Variants in DNMT1 observed in about 807,000 individuals in gnomAD.
DNMT1 encodes DNA methyltransferase 1.
In DNMT1, 24 loss-of-function variants were observed where a neutral mutation model predicts 205.3. The ratio of observed to expected loss-of-function variants is 0.12; its 90% CI spans 0.08 to 0.16. The LOEUF is 0.16. Among genes scored for constraint, DNMT1 ranks in the 10% least tolerant of loss-of-function variants. The pLI is 1.00. For synonymous variants in DNMT1, 817 were observed against 839.8 expected, an observed-to-expected ratio of 0.97 and a Z score of 0.47; for missense variants, 1,293 against 2,177.7, an observed-to-expected ratio of 0.59 and a Z score of 8.09.
Position 10,133,459 on chromosome 19 carries a change from T to C in DNMT1, c.*208A>G. 1.6e-6 allele frequency: 1 copy of C among 613,184 alleles called. No homozygotes were observed. Among genetic ancestry groups the C allele is most frequent in the South Asian group, 2.1e-5 (1 of 48,136 alleles). The allele number at this position is 613,184 out of a possible 1,614,324, so 38.0% of individuals were successfully genotyped here. On this transcript the variant is annotated 3_prime_UTR_variant, in exon 41 of 41. Transcript: ENST00000359526. This position sits in a 1 kb window ranked among gnomAD's most constrained non-coding sequence, Gnocchi z 4.1. Reference sequence around the variant, plus strand: ...TGATATAATGCATAATAAAAAACTTTTAAAATCCAGAATGCACAAAGTACT... The same window carrying C: ...TGATATAATGCATAATAAAAAACTTCTAAAATCCAGAATGCACAAAGTACT...
intron 1 of DNMT1, among the ~76,000 whole-genome samples, chr19:10,185,569 G>C (rs1001655450): frequency 1.3e-5 from 2 of 152,116 alleles, no homozygotes; most frequent in African/African-American, 4.8e-5. Context: ...GCTCATGCCT[G>C]TAATCCCAGC....
chr19:10,140,350 C>T lies in DNMT1; in HGVS notation c.3524-22G>A. 1 of 1,612,962 alleles carries T rather than the reference C, an allele frequency of 6.2e-7. No homozygotes were observed. Among genetic ancestry groups the T allele is most frequent in the African/African-American group, 1.3e-5 (1 of 74,924 alleles). On this transcript the variant is annotated intron_variant, in intron 32 of 40. Transcript: ENST00000359526. This position sits in a 1 kb window ranked among gnomAD's most constrained non-coding sequence, Gnocchi z 8.4. ...ATGCCTGGCAGATCAAGCACGAAGCCATGCTTTCAACTCTCCAGAAGATTT... is the reference window on the plus strand; with the variant it reads ...ATGCCTGGCAGATCAAGCACGAAGCTATGCTTTCAACTCTCCAGAAGATTT...
chr19:10,178,452 T>G lies in DNMT1; in HGVS notation c.494-1085A>C, dbSNP rs73013061. On this transcript the variant is annotated intron_variant, in intron 5 of 40. Coordinates refer to ENST00000359526, the MANE Select transcript of DNMT1 (RefSeq NM_001130823.3). ...CATGCCTCCATCTCAAAAAATAAAA[T>G]AAAAATTAAAAGAAAATAAAATAAG... 4.6e-3 allele frequency among the ~76,000 whole-genome samples: 699 copies of G among 151,606 alleles called. 2 individuals carry two copies. The highest frequency in any genetic ancestry group is 0.014 in the Middle Eastern group (4 of 292).
Position 10,149,528 on chromosome 19 carries a change from C to T in DNMT1, c.2511G>A (p.Glu837=), listed in dbSNP as rs756023681. ...TGTGGATATATGAAAGCTGCATGTC[C>T]TCACATTCATCCACCAAGAACAGCT... The part of the protein sequence containing the change: ...PLELFLVDEC[E]DMQLSYIHSK... Residue 837 remains glutamate, a synonymous_variant, in exon 26 of 41, where the codon GAG becomes GAA. Coordinates refer to ENST00000359526, the MANE Select transcript of DNMT1 (RefSeq NM_001130823.3). The T allele has an allele frequency of 4.3e-6, 7 of 1,614,032 alleles. No homozygotes were observed. In the East Asian group the frequency reaches 8.9e-5, roughly 21 times the overall value.
At chr19:10,184,965 T>C (rs2039150684) in intron 1 of DNMT1, among the ~76,000 whole-genome samples, 1 of 152,204 alleles carries the variant, frequency 6.6e-6, no homozygotes, top group Admixed American at 6.5e-5. Flanking sequence ...GCTGGACCCA[T>C]GTCTTACAAC....
chr19:10,183,003 G>GTGTGTATATATACATATATA (rs1284277838), intron 1 of DNMT1, among the ~76,000 whole-genome samples: 13 of 146,916 alleles, frequency 8.8e-5, no homozygotes, highest in Admixed American at 2.0e-4. Flanking sequence ...ACACGTATAT[G>GTGTGTATATATACATATATA]TGTGTATATA....
intron 28 of DNMT1, among the ~76,000 whole-genome samples, chr19:10,145,482 TG>T (rs36048626): frequency 0.22 from 33,763 of 152,132 alleles, 4,780 homozygotes; most frequent in Non-Finnish European, 0.32. Context: ...AAACGTTGGC[TG>T]TAATTCCAAC....
At chr19:10,174,004 G>T in intron 7 of DNMT1, 99 bp from the exon 8 acceptor site, 1 of 1,219,492 alleles carries the variant, frequency 8.2e-7, no homozygotes, top group Non-Finnish European at 1.2e-6. Flanking sequence ...CATTTGACAT[G>T]GTTAGAGCAA....
intron 24 of DNMT1, among the ~76,000 whole-genome samples, chr19:10,150,204 C>T (rs1379879310): frequency 2.6e-5 from 4 of 152,224 alleles, no homozygotes; most frequent in Non-Finnish European, 5.9e-5. Context: ...GTCCCTCCCA[C>T]TTCTGCTCTG....
intron 1 of DNMT1, chr19:10,184,486 C>T (rs554375024): frequency 6.6e-6 from 1 of 152,096 alleles, no homozygotes; most frequent in Non-Finnish European, 1.5e-5. Flanking sequence ...TAGCTTGACT[C>T]TTTCAGGGAC....
chr19:10,175,120 CACACACACAT>C (rs879426032), intron 7 of DNMT1, among the ~76,000 whole-genome samples: 3,446 of 122,338 alleles, frequency 0.028, 107 homozygotes, highest in African/African-American at 0.081. Context: ...CACACACACA[CACACACACAT>C]ATATATAACA....
chr19:10,146,409 C>A lies in DNMT1; in HGVS notation c.2836G>T (p.Gly946Cys), dbSNP rs777416084. 6.2e-7 allele frequency: 1 copy of A among 1,614,054 alleles called. No individual in the cohort carries two copies. The highest frequency in any genetic ancestry group is 1.7e-5 in the Admixed American group (1 of 60,002). The change falls in exon 28 of 41, where the codon GGC becomes TGC. Residue 946 changes from glycine to cysteine, a missense_variant. By Grantham distance (159) the Gly-to-Cys change is radical. Transcript: ENST00000359526. This position sits in a 1 kb window ranked among gnomAD's most constrained non-coding sequence, Gnocchi z 4.4. Reference sequence around the variant, plus strand: ...CCATCACCAACTCGGTACAGGATGCCGTTCTTGGTGGCTGAGTAGTAGAGG... The same window carrying A: ...CCATCACCAACTCGGTACAGGATGCAGTTCTTGGTGGCTGAGTAGTAGAGG... The part of the protein sequence containing the change: ...RVLYYSATKN[G>C]ILYRVGDGVY...
In DNMT1 at chr19:10,162,743, G is replaced by T. The variant is rs1406374567; in HGVS notation, c.932C>A (p.Ala311Asp). The T allele has an allele frequency of 1.9e-6, 3 of 1,613,906 alleles. No homozygotes were observed. In the African/African-American group the frequency reaches 4.0e-5, roughly 22 times the overall value. ...TTCTTTTTCTTCGGGCCTCCGTTTGGCAGCTCTGCAGGGTGAACAGATACA... is the reference window on the plus strand; with the variant it reads ...TTCTTTTTCTTCGGGCCTCCGTTTGTCAGCTCTGCAGGGTGAACAGATACA... ...KHRSQPKDLA[A>D]KRRPEEKEPE... The change falls in exon 13 of 41, where the codon GCC (alanine) becomes GAC (aspartate). Residue 311 changes from alanine (A) to aspartate (D), a missense_variant. Physicochemically the swap from Ala to Asp is moderately radical, Grantham distance 126 (BLOSUM62 -2). Transcript: ENST00000359526.
At chr19:10,149,699 G>A (rs1218590972) in intron 25 of DNMT1, 42 bp from the exon 26 acceptor site, 1 of 1,612,430 alleles carries the variant, frequency 6.2e-7, no homozygotes, top group Non-Finnish European at 8.5e-7. Context: ...TTCTGACTTG[G>A]CCAGCAGATA....
At chr19:10,169,893 C>T (rs1382591497) in intron 9 of DNMT1, among the ~76,000 whole-genome samples, 1 of 152,192 alleles carries the variant, frequency 6.6e-6, no homozygotes, top group African/African-American at 2.4e-5. Context: ...GTTGAACTAG[C>T]CCGTTAGGAC....
chr19:10,188,893 G>A lies in DNMT1; in HGVS notation c.80+5927C>T, dbSNP rs193123310. On this transcript the variant is annotated intron_variant, in intron 1 of 40. Transcript: ENST00000359526. ...AGAACCAGTGAAGAAAATGGGACCT[G>A]AGTCTTACAACTACCACCTTCTGCC... is the stretch of plus-strand genomic sequence containing the variant. Among the ~76,000 whole-genome samples, 590 of 152,294 alleles carry A rather than the reference G, an allele frequency of 3.9e-3. 4 individuals carry two copies. Among genetic ancestry groups the A allele is most frequent in the African/African-American group, 0.013 (551 of 41,574 alleles).
rs2145267805 is a variant in DNMT1, at chr19:10,141,116, C to G, written c.3383G>C (p.Gly1128Ala). ...HARSPGNKGKGKGKGKGKPKS... is the reference protein window; with the variant it reads ...HARSPGNKGKAKGKGKGKPKS... ...ATACAATGACGTACCTTTTCCCTTG[C>G]CCTTCCCTTTGTTTCCAGGGCTACG... Residue 1128 changes from glycine (G) to alanine (A), a missense_variant, in exon 31 of 41, where the codon GGC becomes GCC. By Grantham distance (60) the Gly-to-Ala change is moderately conservative (BLOSUM62 0). Transcript: ENST00000359526. 1 of 1,614,032 alleles carries G rather than the reference C, an allele frequency of 6.2e-7. No individual in the cohort carries two copies. Among genetic ancestry groups the G allele is most frequent in the Non-Finnish European group, 8.5e-7 (1 of 1,180,036 alleles).
intron 17 of DNMT1, among the ~76,000 whole-genome samples, chr19:10,158,338 G>A (rs1450390884): frequency 1.3e-5 from 2 of 152,196 alleles, no homozygotes; most frequent in Non-Finnish European, 2.9e-5. Context: ...CTAGATAGAA[G>A]GATCCCATAG....
At chr19:10,134,165 AC>A in intron 40 of DNMT1, 51 bp downstream of exon 40, 1 of 1,596,466 alleles carries the variant, frequency 6.3e-7, no homozygotes, top group Admixed American at 1.7e-5. Context: ...CCCCACATGT[AC>A]CCCCAGAGGG....
Sources: allele counts gnomAD v4.1 joint callset (sites outside exome capture counted in the v4.1 genomes callset), GRCh38; gene constraint gnomAD v4.1.1; non-coding constraint Gnocchi (gnomAD v3.1); transcripts MANE v1.5; gene names NCBI Gene and HGNC (gene_info 2026-07-23, HGNC 2026-07-21).